Variants in CENPC observed in about 807,000 individuals in gnomAD.
CENPC encodes the protein CENP-C 1.
CENPC carries 63 observed loss-of-function variants against 112.1 expected under a neutral mutation model. The observed-to-expected ratio is 0.56, with a 90% confidence interval of 0.46 to 0.69. The LOEUF is 0.69. Among genes scored for constraint, CENPC ranks in the 30% least tolerant of loss-of-function variants. The pLI, the probability that CENPC is intolerant of heterozygous loss-of-function variation, is 0.00. For synonymous variants in CENPC, 333 were observed against 367.6 expected (o/e 0.91, Z 1.08); for missense variants, 1,000 against 1,103.8 (o/e 0.91, Z 1.33).
chr4:67,475,261 G>A (rs1724772132), intron 17 of CENPC, among the ~76,000 whole-genome samples: 1 of 152,234 alleles, frequency 6.6e-6, no homozygotes, highest in African/African-American at 2.4e-5. Flanking sequence ...AACAGTCACA[G>A]AAATTTGAAG....
At chr4:67,502,689 G>T (rs1725623876) in intron 12 of CENPC, among the ~76,000 whole-genome samples, 1 of 152,148 alleles carries the variant, frequency 6.6e-6, no homozygotes, top group Non-Finnish European at 1.5e-5. Flanking sequence ...ATCAAGCTTA[G>T]TATGTCCAAA....
intron 17 of CENPC, among the ~76,000 whole-genome samples, chr4:67,480,436 A>T (rs1325940496): frequency 6.6e-6 from 1 of 152,212 alleles, no homozygotes; most frequent in Non-Finnish European, 1.5e-5. Context: ...GGAAATACAC[A>T]ACCTTCTTAG....
At chr4:67,539,290 A>T (rs1290052748) in intron 4 of CENPC, among the ~76,000 whole-genome samples, 1 of 152,170 alleles carries the variant, frequency 6.6e-6, no homozygotes, top group Admixed American at 6.5e-5. Flanking sequence ...TGCCTTTTAC[A>T]GTTTTCTAGT....
At chr4:67,527,493 CTTTTTTTTTTTT>C (rs11317672) in intron 5 of CENPC, among the ~76,000 whole-genome samples, 25 of 68,084 alleles carry the variant, frequency 3.7e-4, no homozygotes, top group Admixed American at 9.5e-4. Context: ...TCACCCCATC[CTTTTTTTTTTTT>C]TTTTTTTTTT....
intron 4 of CENPC, 88 bp downstream of exon 4, chr4:67,539,752 A>T: frequency 1.5e-6 from 1 of 648,834 alleles, no homozygotes; most frequent in Non-Finnish European, 2.5e-6. Context: ...AATAAGACTT[A>T]CAAACAACTA....
At position 67,515,254 on chromosome 4, in the gene CENPC, T is replaced by A. The variant is rs1577993674; in HGVS notation, c.831-567A>T. Reference sequence around the variant, plus strand: ...GCTGAGGCAGGTGGATCACTTGAGGTCAGGAGTTCAAGACCAGCCTGGCCA... The same window carrying A: ...GCTGAGGCAGGTGGATCACTTGAGGACAGGAGTTCAAGACCAGCCTGGCCA... On this transcript the variant is annotated intron_variant, in intron 7 of 18. Transcript: ENST00000273853. 5.3e-5 allele frequency among the ~76,000 whole-genome samples: 8 copies of A among 151,704 alleles called. 1 individual carries two copies. Among genetic ancestry groups the A allele is most frequent in the African/African-American group, 1.9e-4 (8 of 41,214 alleles).
chr4:67,491,476 TATATAGAG>T (rs1308977091), intron 16 of CENPC, among the ~76,000 whole-genome samples: 108 of 28,506 alleles, frequency 3.8e-3, no homozygotes, highest in Non-Finnish European at 4.6e-3. Context: ...TATATATATA[TATATAGAG>T]AGAGAGAGAG....
At chr4:67,506,743 G>A (rs754332247) in intron 11 of CENPC, 45 bp downstream of exon 11, 5 of 1,417,320 alleles carry the variant, frequency 3.5e-6, no homozygotes, top group African/African-American at 1.5e-5. Flanking sequence ...ATACAGCAAT[G>A]GGTAACTAAT....
chr4:67,539,253 A>G (rs1051331915), intron 4 of CENPC, among the ~76,000 whole-genome samples: 1 of 152,168 alleles, frequency 6.6e-6, no homozygotes, highest in Non-Finnish European at 1.5e-5. Flanking sequence ...TTGGAACCAA[A>G]AGGCTACATA....
chr4:67,527,286 A>G (rs1026497236), intron 5 of CENPC, among the ~76,000 whole-genome samples: 37 of 152,280 alleles, frequency 2.4e-4, no homozygotes, highest in African/African-American at 8.9e-4. Flanking sequence ...CAGTTCAGAG[A>G]AGAAAAATCA....
intron 14 of CENPC, chr4:67,493,646 C>T: frequency 2.5e-6 from 1 of 402,904 alleles, no homozygotes; most frequent in South Asian, 3.4e-5. Flanking sequence ...TAATCTAACG[C>T]TTTATATTAT....
In CENPC at chr4:67,492,259, T is replaced by C. The variant is rs748659768; in HGVS notation, c.2436A>G (p.Val812=). Reference sequence around the variant, plus strand: ...GATCTCCAAGAGGTATACCTAGATTTACCATTAAGTTAGTCTCTGCAAAAG... The same window carrying C: ...GATCTCCAAGAGGTATACCTAGATTCACCATTAAGTTAGTCTCTGCAAAAG... The part of the protein sequence containing the change: ...DNDERKTNLM[V]NLGIPLGDPL... The change falls in exon 16 of 19, where the codon GTA becomes GTG. Residue 812 remains valine (V), a synonymous_variant. Coordinates refer to ENST00000273853, the MANE Select transcript of CENPC (RefSeq NM_001812.4). The C allele has an allele frequency of 1.3e-6, 2 of 1,559,582 alleles. No homozygotes were observed. The highest frequency in any genetic ancestry group is 1.7e-6 in the Non-Finnish European group (2 of 1,149,152).
chr4:67,478,880 T>C (rs975636879), intron 17 of CENPC, among the ~76,000 whole-genome samples: 1 of 152,106 alleles, frequency 6.6e-6, no homozygotes. Flanking sequence ...TAGTAAAAGA[T>C]ATTCCATGCA....
chr4:67,487,431 T>C (rs1240286389), intron 17 of CENPC, among the ~76,000 whole-genome samples: 1 of 151,678 alleles, frequency 6.6e-6, no homozygotes, highest in African/African-American at 2.4e-5. Flanking sequence ...AGCCAGCCAG[T>C]GGTAGCATCT....
At chr4:67,474,708 A>G (rs1367247469) in intron 18 of CENPC, 180 bp downstream of exon 18, 1 of 562,064 alleles carries the variant, frequency 1.8e-6, no homozygotes, top group African/African-American at 2.0e-5. Flanking sequence ...AAAAACAAAA[A>G]AAAACCACCA....
chr4:67,507,347 T>C (rs1451397398), intron 10 of CENPC, among the ~76,000 whole-genome samples: 1 of 152,196 alleles, frequency 6.6e-6, no homozygotes, highest in African/African-American at 2.4e-5. Context: ...CTCATCTCTT[T>C]GGTAGTTAGT....
In CENPC at chr4:67,471,841, A is replaced by C. The variant is rs1245836082; in HGVS notation, c.*764T>G. 1 of 152,412 alleles carries C rather than the reference A, an allele frequency of 6.6e-6. No individual in the cohort carries two copies. The highest frequency in any genetic ancestry group is 1.5e-5 in the Non-Finnish European group (1 of 68,042). The allele number at this position is 152,412 out of a possible 1,614,324, so 9.4% of individuals were successfully genotyped here. ...AGGGAAAGTTGAGGCCACATACAGA[A>C]AGCAATGGCGAAGGACACTGCCTCC... On this transcript the variant is annotated 3_prime_UTR_variant, in exon 19 of 19. Coordinates refer to ENST00000273853, the MANE Select transcript of CENPC (RefSeq NM_001812.4).
rs1413738141 is a variant in CENPC, at chr4:67,545,395, A to G, written c.-40T>C. 1 of 1,495,254 alleles carries G rather than the reference A, an allele frequency of 6.7e-7. No homozygotes were observed. The highest frequency in any genetic ancestry group is 2.7e-5 in the East Asian group (1 of 36,478). The allele number at this position is 1,495,254 out of a possible 1,614,324, so 92.6% of individuals were successfully genotyped here. On this transcript the variant is annotated 5_prime_UTR_variant, in exon 1 of 19. Coordinates refer to ENST00000273853, the MANE Select transcript of CENPC (RefSeq NM_001812.4). The stretch of plus-strand genomic sequence containing the variant: ...GAGCCAGCGCAACTGTCTGAGGTGG[A>G]AGCCCACACGGACCACAGCTCCAGG...
intron 16 of CENPC, among the ~76,000 whole-genome samples, chr4:67,490,660 GA>G (rs1199637445): frequency 6.6e-6 from 1 of 151,280 alleles, no homozygotes; most frequent in African/African-American, 2.4e-5. Flanking sequence ...AAGTTTGTGA[GA>G]AAGCAGAGTT....
Sources: allele counts gnomAD v4.1 joint callset (sites outside exome capture counted in the v4.1 genomes callset), GRCh38; gene constraint gnomAD v4.1.1; transcripts MANE v1.5; gene names NCBI Gene and HGNC (gene_info 2026-07-23, HGNC 2026-07-21).